Variants in NXPH2 observed in about 807,000 individuals in gnomAD.
NXPH2 encodes neurexophilin-2.
Under a neutral mutation model 19.8 loss-of-function variants are expected in NXPH2, and 5 were observed. The ratio of observed to expected loss-of-function variants is 0.25; its 90% confidence interval spans 0.13 to 0.53. The LOEUF (loss-of-function observed/expected upper bound fraction) is 0.53. Ranked by LOEUF, NXPH2 falls within the 20% of genes least tolerant of loss-of-function variation. The probability of loss-of-function intolerance (pLI) is 0.96; values close to 1 mark genes in which losing one functional copy is unlikely to be tolerated. For synonymous variants in NXPH2, 154 were observed against 127.4 expected, an observed-to-expected ratio of 1.21 and a Z score of -1.41; for missense variants, 289 against 322.8, an observed-to-expected ratio of 0.90 and a Z score of 0.80.
intron 1 of NXPH2, among the ~76,000 whole-genome samples, chr2:138,700,913 T>C (rs573362821): frequency 6.6e-6 from 1 of 152,220 alleles, no homozygotes. Flanking sequence ...TCTCATCCCC[T>C]GGAGTCTTGA....
intron 1 of NXPH2, among the ~76,000 whole-genome samples, chr2:138,713,775 C>A (rs10469587): frequency 4.5e-4 from 69 of 152,124 alleles, no homozygotes; most frequent in Non-Finnish European, 9.3e-4. Flanking sequence ...CCTTTTGTTT[C>A]GCACCAAATC....
intron 1 of NXPH2, among the ~76,000 whole-genome samples, chr2:138,677,131 A>G (rs1437694192): frequency 6.6e-6 from 1 of 152,204 alleles, no homozygotes; most frequent in Non-Finnish European, 1.5e-5. Flanking sequence ...CCAAGGCAAG[A>G]TTGTTAAATG....
intron 1 of NXPH2, among the ~76,000 whole-genome samples, chr2:138,703,140 G>A (rs1680956744): frequency 6.6e-6 from 1 of 152,174 alleles, no homozygotes; most frequent in African/African-American, 2.4e-5. Flanking sequence ...CCCAGTGACT[G>A]AACTGTTAAT....
intron 1 of NXPH2, among the ~76,000 whole-genome samples, chr2:138,708,005 A>C (rs185402201): frequency 6.6e-6 from 1 of 152,266 alleles, no homozygotes; most frequent in African/African-American, 2.4e-5. Context: ...CTCTTACTGA[A>C]ATAATTTGTG....
At chr2:138,746,921 T>C (rs1457993899) in intron 1 of NXPH2, among the ~76,000 whole-genome samples, 1 of 152,164 alleles carries the variant, frequency 6.6e-6, no homozygotes, top group African/African-American at 2.4e-5. Flanking sequence ...ATAAACGCAG[T>C]GCCTGGCCCT....
intron 1 of NXPH2, among the ~76,000 whole-genome samples, chr2:138,700,456 T>C (rs1236752332): frequency 6.6e-6 from 1 of 152,198 alleles, no homozygotes; most frequent in Admixed American, 6.5e-5. Flanking sequence ...AAATATTTAA[T>C]GATACCATTA....
chr2:138,716,142 C>T (rs938563447), intron 1 of NXPH2, among the ~76,000 whole-genome samples: 1 of 152,150 alleles, frequency 6.6e-6, no homozygotes, highest in Non-Finnish European at 1.5e-5. Context: ...CCAAAATTTC[C>T]TTACACTTCA....
chr2:138,717,506 T>A (rs1346856802), intron 1 of NXPH2, among the ~76,000 whole-genome samples: 1 of 151,428 alleles, frequency 6.6e-6, no homozygotes, highest in Admixed American at 6.6e-5. Flanking sequence ...TGCTCTATCC[T>A]CACATGGTGG....
intron 1 of NXPH2, among the ~76,000 whole-genome samples, chr2:138,765,192 G>A (rs539263552): frequency 6.6e-6 from 1 of 152,310 alleles, no homozygotes; most frequent in African/African-American, 2.4e-5. Flanking sequence ...ACAGGCACAG[G>A]AATGTGCTGG....
intron 1 of NXPH2, among the ~76,000 whole-genome samples, chr2:138,749,617 G>T (rs933116054): frequency 6.6e-6 from 1 of 152,032 alleles, no homozygotes; most frequent in African/African-American, 2.4e-5. Flanking sequence ...ATCCTGAGCA[G>T]AATTATTAGT....
intron 1 of NXPH2, among the ~76,000 whole-genome samples, chr2:138,779,642 G>A (rs1241533970): frequency 1.3e-5 from 2 of 152,108 alleles, no homozygotes; most frequent in Non-Finnish European, 2.9e-5. Context: ...GACGGAAAAC[G>A]AAGAGAAATC....
At chr2:138,682,079 A>G (rs1680587841) in intron 1 of NXPH2, among the ~76,000 whole-genome samples, 1 of 152,204 alleles carries the variant, frequency 6.6e-6, no homozygotes, top group Admixed American at 6.5e-5. Context: ...TTGCTTTGAC[A>G]GTACTGTCCT....
chr2:138,764,001 T>C (rs557074193), intron 1 of NXPH2, among the ~76,000 whole-genome samples: 1 of 152,308 alleles, frequency 6.6e-6, no homozygotes, highest in Admixed American at 6.5e-5. Context: ...ATCCACATTC[T>C]TTGTGTTCAT....
chr2:138,746,575 A>C (rs1381223724), intron 1 of NXPH2, among the ~76,000 whole-genome samples: 1 of 152,220 alleles, frequency 6.6e-6, no homozygotes, highest in Non-Finnish European at 1.5e-5. Context: ...CAAAACTGCC[A>C]CAATGGATGA....
At chr2:138,755,180 A>T (rs62163222) in intron 1 of NXPH2, among the ~76,000 whole-genome samples, 1 of 151,764 alleles carries the variant, frequency 6.6e-6, no homozygotes, top group African/African-American at 2.4e-5. Context: ...GCTTTCACTG[A>T]GAAGTTTTTA....
chr2:138,699,303 A>G (rs1680880231), intron 1 of NXPH2, among the ~76,000 whole-genome samples: 1 of 152,204 alleles, frequency 6.6e-6, no homozygotes, highest in Non-Finnish European at 1.5e-5. Flanking sequence ...GCTGCCCTAT[A>G]GCCCAGGGAG....
At chr2:138,766,321 A>T (rs114226545) in intron 1 of NXPH2, among the ~76,000 whole-genome samples, 4,083 of 152,284 alleles carry the variant, frequency 0.027, 77 homozygotes, top group Non-Finnish European at 0.043. Context: ...TGAAGCAGTC[A>T]CTTGGTTCAG....
intron 1 of NXPH2, 23 bp from the exon 2 acceptor site, chr2:138,671,688 A>G: frequency 1.3e-6 from 2 of 1,523,020 alleles, no homozygotes; most frequent in Non-Finnish European, 1.8e-6. Flanking sequence ...AAGAAAGAGA[A>G]ATAAACTTTA....
intron 1 of NXPH2, among the ~76,000 whole-genome samples, chr2:138,704,723 T>C (rs1368792732): frequency 6.6e-6 from 1 of 152,144 alleles, no homozygotes; most frequent in Non-Finnish European, 1.5e-5. Context: ...GGCACAATCA[T>C]GTCTTAATTG....
Sources: allele counts gnomAD v4.1 joint callset (sites outside exome capture counted in the v4.1 genomes callset), GRCh38; gene constraint gnomAD v4.1.1; transcripts MANE v1.5; gene names NCBI Gene and HGNC (gene_info 2026-07-23, HGNC 2026-07-21).